The following GRIK2 variants were observed in gnomAD, a reference collection of about 807,000 sequenced individuals.
GRIK2 encodes glutamate receptor ionotropic, kainate 2.
A neutral mutation model predicts 100.3 loss-of-function variants in GRIK2; 32 were observed. That is an observed-to-expected ratio of 0.32 (90% CI 0.24 to 0.43). The LOEUF (loss-of-function observed/expected upper bound fraction) is 0.43, where lower values mean the gene tolerates loss of function less well. Among genes scored for constraint, GRIK2 ranks in the 20% least tolerant of loss-of-function variants. The probability of loss-of-function intolerance (pLI) is 1.00; values close to 1 mark genes in which losing one functional copy is unlikely to be tolerated. For synonymous variants in GRIK2, 417 were observed against 389.4 expected, an observed-to-expected ratio of 1.07 and a Z score of -0.83; for missense variants, 843 against 1,114.9, an observed-to-expected ratio of 0.76 and a Z score of 3.47.
At chr6:101,990,576 C>G (rs1404798540) in intron 14 of GRIK2, among the ~76,000 whole-genome samples, 1 of 151,568 alleles carries the variant, frequency 6.6e-6, no homozygotes, top group Non-Finnish European at 1.5e-5. Context: ...ACAGAACATG[C>G]TATGAAAATG....
chr6:101,675,410 T>G (rs1016509169), intron 4 of GRIK2, among the ~76,000 whole-genome samples: 2 of 152,108 alleles, frequency 1.3e-5, no homozygotes, highest in Admixed American at 1.3e-4. Flanking sequence ...CATACTGTAT[T>G]GATGAAGGTA....
At chr6:102,039,085 C>T (rs1325331927) in intron 15 of GRIK2, among the ~76,000 whole-genome samples, 2 of 151,350 alleles carry the variant, frequency 1.3e-5, no homozygotes, top group Non-Finnish European at 1.5e-5. Flanking sequence ...ATCTTCTTAG[C>T]CTGCCATGCC....
At chr6:101,593,960 T>C (rs1262735308) in intron 2 of GRIK2, among the ~76,000 whole-genome samples, 1 of 151,818 alleles carries the variant, frequency 6.6e-6, no homozygotes, top group African/African-American at 2.4e-5. Context: ...TTACATCACA[T>C]GAAAAAATCT....
intron 10 of GRIK2, among the ~76,000 whole-genome samples, 177 bp downstream of exon 10, chr6:101,818,660 A>G (rs1781776537): frequency 6.6e-6 from 1 of 152,196 alleles, no homozygotes; most frequent in South Asian, 2.1e-4. Flanking sequence ...GTCTTAAATG[A>G]TCTAAATTGT....
chr6:101,823,555 A>G (rs1323796695), intron 10 of GRIK2, among the ~76,000 whole-genome samples: 1 of 152,058 alleles, frequency 6.6e-6, no homozygotes, highest in Non-Finnish European at 1.5e-5. Context: ...TATCGTTATT[A>G]ATGGAACTAG....
At chr6:101,999,248 G>A (rs929119822) in intron 14 of GRIK2, among the ~76,000 whole-genome samples, 1 of 151,864 alleles carries the variant, frequency 6.6e-6, no homozygotes, top group Non-Finnish European at 1.5e-5. Context: ...GTAAACTTTA[G>A]AGTCAGCAAG....
chr6:101,437,946 A>G (rs1769829354), intron 2 of GRIK2, among the ~76,000 whole-genome samples: 1 of 152,136 alleles, frequency 6.6e-6, no homozygotes, highest in African/African-American at 2.4e-5. Flanking sequence ...GAAATAAAGG[A>G]TGAAGCAGTG....
chr6:102,015,942 C>T (rs902531611), intron 14 of GRIK2, among the ~76,000 whole-genome samples: 1 of 152,178 alleles, frequency 6.6e-6, no homozygotes. Context: ...GTTGACTGAA[C>T]CCACCTTATA....
chr6:101,683,922 C>G (rs1325277185), intron 6 of GRIK2, among the ~76,000 whole-genome samples: 1 of 152,140 alleles, frequency 6.6e-6, no homozygotes, highest in Non-Finnish European at 1.5e-5. Context: ...CCCATAACAA[C>G]CAGTCTAACC....
intron 15 of GRIK2, among the ~76,000 whole-genome samples, chr6:102,038,498 T>C (rs1020155842): frequency 5.3e-5 from 8 of 151,430 alleles, no homozygotes; most frequent in African/African-American, 1.5e-4. Flanking sequence ...CTTTTGCTGT[T>C]CATTGTTTCA....
chr6:101,488,273 G>A (rs1772930038), intron 2 of GRIK2, among the ~76,000 whole-genome samples: 1 of 146,702 alleles, frequency 6.8e-6, no homozygotes, highest in Non-Finnish European at 1.5e-5. Context: ...AGTAGTAGAA[G>A]TATAACTTCC....
chr6:101,666,024 A>AC (rs1770005635), intron 4 of GRIK2, among the ~76,000 whole-genome samples: 1 of 152,116 alleles, frequency 6.6e-6, no homozygotes, highest in Non-Finnish European at 1.5e-5. Flanking sequence ...CCTCACTTTA[A>AC]CACCAGCTGA....
rs1777314427 is a variant in GRIK2, at chr6:101,567,078, A to G, written c.116-54871A>G. 2.0e-5 allele frequency among the ~76,000 whole-genome samples: 3 copies of G among 151,756 alleles called. 1 individual carries two copies. The highest frequency in any genetic ancestry group is 4.1e-4 in the South Asian group (2 of 4,830). On this transcript the variant is annotated intron_variant, in intron 2 of 16. Coordinates refer to ENST00000369134, the MANE Select transcript of GRIK2 (RefSeq NM_021956.5). ...TAGAAAGCTCTGTAATTTTTAGTGTATCATCAATATAAAGGTCAGAAACTG... is the reference window on the plus strand; with the variant it reads ...TAGAAAGCTCTGTAATTTTTAGTGTGTCATCAATATAAAGGTCAGAAACTG...
At position 101,751,318 on chromosome 6, in the gene GRIK2, T is replaced by C. The variant is rs555226663; in HGVS notation, c.952-48330T>C. On this transcript the variant is annotated intron_variant, in intron 7 of 16. Transcript: ENST00000369134. ...ATATGTACAAAAGTAGACACAATAG[T>C]AATAACAAACCCTCATGTATTCTAC... Among the ~76,000 whole-genome samples, 3 of 152,128 alleles carry C rather than the reference T, an allele frequency of 2.0e-5. No individual in the cohort carries two copies. In the East Asian group the frequency reaches 5.8e-4, roughly 29 times the overall value.
At chr6:101,939,866 C>T (rs938336374) in intron 14 of GRIK2, among the ~76,000 whole-genome samples, 2 of 151,984 alleles carry the variant, frequency 1.3e-5, no homozygotes, top group Admixed American at 1.3e-4. Flanking sequence ...GGTGACAACC[C>T]AAGATGGTTA....
chr6:101,891,798 G>T (rs930084211), intron 12 of GRIK2, among the ~76,000 whole-genome samples: 2 of 152,014 alleles, frequency 1.3e-5, no homozygotes, highest in African/African-American at 4.8e-5. Flanking sequence ...GAAGTATGAA[G>T]TTCCTAACAT....
intron 2 of GRIK2, among the ~76,000 whole-genome samples, chr6:101,414,902 C>G (rs551974196): frequency 2.6e-5 from 4 of 151,942 alleles, no homozygotes; most frequent in Non-Finnish European, 5.9e-5. Context: ...AAGCATCTGA[C>G]TAAATATTTC....
At chr6:102,063,425 A>G (rs1771853076) in intron 16 of GRIK2, among the ~76,000 whole-genome samples, 2 of 150,826 alleles carry the variant, frequency 1.3e-5, no homozygotes, top group South Asian at 2.1e-4. Context: ...TGATGAGCAT[A>G]AAAGTTAAAT....
chr6:101,665,224 T>C (rs1204333766), intron 4 of GRIK2, among the ~76,000 whole-genome samples: 4 of 152,178 alleles, frequency 2.6e-5, no homozygotes, highest in African/African-American at 9.7e-5. Context: ...TGGCACTCTC[T>C]GTCCACTTCA....
Sources: gnomAD v4.1 joint callset for allele counts (sites outside exome capture counted in the v4.1 genomes callset) on GRCh38, gnomAD v4.1.1 for gene constraint, MANE v1.5 for transcripts, NCBI Gene and HGNC (gene_info 2026-07-23, HGNC 2026-07-21) for gene names.